The following AIDA variants were observed in gnomAD, a reference collection of about 807,000 sequenced individuals.
AIDA encodes the protein axin interactor, dorsalization associated.
AIDA carries 18 observed loss-of-function variants against 42.7 expected under a neutral mutation model. The observed-to-expected ratio is 0.42, with a 90% CI of 0.29 to 0.63. AIDA has a LOEUF of 0.63. AIDA is among the 20% of genes least tolerant of loss of function. The pLI, the probability that AIDA is intolerant of heterozygous loss-of-function variation, is 0.19. For missense variants in AIDA, 250 were observed against 354.1 expected (o/e 0.71, Z 2.36); for synonymous variants, 104 against 122.9 (o/e 0.85, Z 1.02).
At chr1:222,694,672 A>G (rs1655463903) in intron 2 of AIDA, among the ~76,000 whole-genome samples, 1 of 152,276 alleles carries the variant, frequency 6.6e-6, no homozygotes, top group Admixed American at 6.5e-5. Flanking sequence ...ACTTAAGTCC[A>G]ACACCAACTT....
At chr1:222,689,710 A>C (rs1000081598) in intron 4 of AIDA, among the ~76,000 whole-genome samples, 1 of 151,294 alleles carries the variant, frequency 6.6e-6, no homozygotes, top group Non-Finnish European at 1.5e-5. Flanking sequence ...AAAGTTAATA[A>C]AGTTTATATA....
At chr1:222,677,912 T>C (rs78547020) in intron 6 of AIDA, among the ~76,000 whole-genome samples, 19,077 of 152,096 alleles carry the variant, frequency 0.13, 1,797 homozygotes, top group African/African-American at 0.27. Flanking sequence ...TATGTAAGTA[T>C]TTAAAAAAAA....
chr1:222,703,984 G>A (rs926202284), intron 1 of AIDA, among the ~76,000 whole-genome samples: 2 of 152,142 alleles, frequency 1.3e-5, no homozygotes, highest in Non-Finnish European at 2.9e-5. Context: ...TTGGACAAAG[G>A]ATTTGAATAG....
At chr1:222,675,762 A>G (rs1186430755) in intron 7 of AIDA, among the ~76,000 whole-genome samples, 1 of 152,246 alleles carries the variant, frequency 6.6e-6, no homozygotes, top group African/African-American at 2.4e-5. Context: ...GGTGAGGGAC[A>G]TTCTGTTAAC....
intron 4 of AIDA, among the ~76,000 whole-genome samples, chr1:222,689,477 G>GTA (rs1655290571): frequency 7.2e-5 from 2 of 27,972 alleles, no homozygotes; most frequent in African/African-American, 2.0e-4. Flanking sequence ...GTATGTGTGT[G>GTA]TGTGTATATA....
chr1:222,702,280 C>T (rs1655730869), intron 2 of AIDA, among the ~76,000 whole-genome samples: 1 of 152,150 alleles, frequency 6.6e-6, no homozygotes, highest in South Asian at 2.1e-4. Context: ...ATCATTACCA[C>T]TCCCTTTGTA....
chr1:222,697,565 A>C (rs1655558391), intron 2 of AIDA, among the ~76,000 whole-genome samples: 1 of 151,834 alleles, frequency 6.6e-6, no homozygotes. Flanking sequence ...CTCATATCCA[A>C]TATGGTATAA....
At chr1:222,702,376 C>T (rs1027623358) in intron 2 of AIDA, among the ~76,000 whole-genome samples, 1 of 151,350 alleles carries the variant, frequency 6.6e-6, no homozygotes, top group African/African-American at 2.4e-5. Context: ...TAGACTGACA[C>T]TTTTTTTTTC....
At chr1:222,677,319 T>C (rs1205008137) in intron 6 of AIDA, among the ~76,000 whole-genome samples, 1 of 152,170 alleles carries the variant, frequency 6.6e-6, no homozygotes, top group Non-Finnish European at 1.5e-5. Context: ...GACTTATCCA[T>C]AGGTTCTCTT....
intron 2 of AIDA, among the ~76,000 whole-genome samples, chr1:222,701,226 G>A (rs1368859344): frequency 1.3e-5 from 2 of 152,108 alleles, no homozygotes; most frequent in Non-Finnish European, 2.9e-5. Flanking sequence ...ACCTCCCAAA[G>A]TGCTAAGATT....
At chr1:222,700,738 G>A (rs1190600414) in intron 2 of AIDA, among the ~76,000 whole-genome samples, 18 of 147,048 alleles carry the variant, frequency 1.2e-4, no homozygotes, top group African/African-American at 4.5e-4. Context: ...CTGGGTGACA[G>A]AGCAAGACTC....
At chr1:222,687,512 A>G (rs1655232103) in intron 5 of AIDA, 83 bp downstream of exon 5, 4 of 1,170,922 alleles carry the variant, frequency 3.4e-6, no homozygotes, top group Non-Finnish European at 4.8e-6. Flanking sequence ...ATAATACCAA[A>G]GTTGATATTT....
Position 222,708,692 on chromosome 1 carries a change from C to A in AIDA, c.110+3516G>T, listed in dbSNP as rs115993185. On this transcript the variant is annotated intron_variant, in intron 1 of 9. Transcript: ENST00000340020. ...CAGTTAGCAGATATTTATTGAGTAT[C>A]CATGTGCTAGATAAATATCTCAGGA... Among the ~76,000 whole-genome samples the A allele has an allele frequency of 8.9e-3, 1,358 of 152,178 alleles. 18 individuals are homozygous for A. Among genetic ancestry groups the A allele is most frequent in the African/African-American group, 0.031 (1,291 of 41,532 alleles).
At chr1:222,679,844 GCA>G (rs1332001616) in intron 6 of AIDA, among the ~76,000 whole-genome samples, 11 of 152,148 alleles carry the variant, frequency 7.2e-5, no homozygotes, top group Non-Finnish European at 1.6e-4. Context: ...AGAAACATAT[GCA>G]CAGATTCTGA....
intron 7 of AIDA, among the ~76,000 whole-genome samples, chr1:222,674,232 C>T (rs1014015496): frequency 3.9e-5 from 6 of 151,946 alleles, no homozygotes; most frequent in Non-Finnish European, 8.8e-5. Context: ...TTGCAGGTGA[C>T]CACAGAGGCA....
chr1:222,689,481 GTATATATA>G (rs1183093082), intron 4 of AIDA, among the ~76,000 whole-genome samples: 437 of 35,364 alleles, frequency 0.012, 15 homozygotes, highest in Middle Eastern at 0.056. Flanking sequence ...GTGTGTGTGT[GTATATATA>G]TATATATATA....
chr1:222,687,861 C>G (rs953821102), intron 4 of AIDA, among the ~76,000 whole-genome samples: 5 of 152,254 alleles, frequency 3.3e-5, no homozygotes, highest in Admixed American at 2.6e-4. Context: ...ACTCTAGGTA[C>G]CAGTATCTTC....
intron 4 of AIDA, among the ~76,000 whole-genome samples, chr1:222,689,570 TATATATATATAC>T (rs1655310797): frequency 3.2e-5 from 1 of 31,314 alleles, no homozygotes; most frequent in South Asian, 1.4e-3. Context: ...TATATATATG[TATATATATATAC>T]ACACACACAC....
At chr1:222,675,228 A>T (rs917073050) in intron 7 of AIDA, among the ~76,000 whole-genome samples, 17 of 152,336 alleles carry the variant, frequency 1.1e-4, no homozygotes, top group African/African-American at 4.1e-4. Flanking sequence ...CAAATTACAG[A>T]TTAAAGTAAA....
Sources: gnomAD v4.1 joint callset for allele counts (sites outside exome capture counted in the v4.1 genomes callset) on GRCh38, gnomAD v4.1.1 for gene constraint, MANE v1.5 for transcripts, NCBI Gene and HGNC (gene_info 2026-07-23, HGNC 2026-07-21) for gene names.